Variants in CALN1 observed in about 807,000 individuals in gnomAD.
The protein encoded by CALN1 is calcium-binding protein 8.
A neutral mutation model predicts 30.6 loss-of-function variants in CALN1; 17 were observed. The ratio of observed to expected loss-of-function variants is 0.56; its 90% CI spans 0.38 to 0.83. The LOEUF (loss-of-function observed/expected upper bound fraction) is 0.83. Among genes scored for constraint, CALN1 ranks in the 40% least tolerant of loss-of-function variants. The pLI, the probability that CALN1 is intolerant of heterozygous loss-of-function variation, is 0.00. For synonymous variants in CALN1, 156 were observed against 131.4 expected (o/e 1.19, Z -1.28); for missense variants, 291 against 354.9 (o/e 0.82, Z 1.45).
At chr7:72,221,473 G>C (rs549200238) in intron 3 of CALN1, among the ~76,000 whole-genome samples, 3 of 151,834 alleles carry the variant, frequency 2.0e-5, no homozygotes, top group Admixed American at 2.0e-4. Flanking sequence ...ACCCGCCATC[G>C]TGCCTGGCTA....
intron 3 of CALN1, among the ~76,000 whole-genome samples, chr7:72,251,682 T>A (rs1795569713): frequency 6.6e-6 from 1 of 152,200 alleles, no homozygotes; most frequent in Admixed American, 6.5e-5. Flanking sequence ...ATTACAGGCA[T>A]AAGCCACCAT....
At chr7:72,037,632 G>A (rs1801881697) in intron 4 of CALN1, among the ~76,000 whole-genome samples, 1 of 152,150 alleles carries the variant, frequency 6.6e-6, no homozygotes, top group African/African-American at 2.4e-5. Context: ...ATATTTCGAG[G>A]ACAGGATGTT....
At chr7:72,350,728 G>C (rs1802877487) in intron 2 of CALN1, among the ~76,000 whole-genome samples, 1 of 151,936 alleles carries the variant, frequency 6.6e-6, no homozygotes, top group Non-Finnish European at 1.5e-5. Flanking sequence ...ATCCTTGCAA[G>C]ACTCAATTTA....
At chr7:72,104,016 T>A (rs2129541060) in intron 4 of CALN1, 1 of 152,876 alleles carries the variant, frequency 6.5e-6, no homozygotes, top group African/African-American at 2.4e-5. Flanking sequence ...CTTCCATCAG[T>A]CTGCTGGGCA....
intron 5 of CALN1, among the ~76,000 whole-genome samples, chr7:71,989,615 T>C (rs1011564834): frequency 5.9e-5 from 9 of 152,208 alleles, no homozygotes; most frequent in South Asian, 2.1e-4. Flanking sequence ...AAAACCAAGA[T>C]AGATAACCTT....
chr7:71,892,310 T>G (rs1793287522), intron 5 of CALN1, among the ~76,000 whole-genome samples: 1 of 152,330 alleles, frequency 6.6e-6, no homozygotes, highest in Non-Finnish European at 1.5e-5. Flanking sequence ...TTTGCTTACC[T>G]AACTATTGAG....
At chr7:72,022,738 C>T (rs2129530169) in intron 5 of CALN1, among the ~76,000 whole-genome samples, 1 of 152,114 alleles carries the variant, frequency 6.6e-6, no homozygotes, top group Non-Finnish European at 1.5e-5. Flanking sequence ...TCTTAAATGC[C>T]TTTTGTAAAA....
chr7:72,486,255 C>T, the CALN1 span, among the ~76,000 whole-genome samples: 2 of 152,048 alleles, frequency 1.3e-5, no homozygotes, highest in African/African-American at 4.8e-5. Context: ...ATATGTAGTC[C>T]GTCATTGACA....
chr7:72,422,093 C>G (rs1421592862), intron 1 of CALN1, among the ~76,000 whole-genome samples: 1 of 152,198 alleles, frequency 6.6e-6, no homozygotes, highest in Non-Finnish European at 1.5e-5. Context: ...AAACATACAT[C>G]TGCAAGTGTC....
chr7:72,112,956 A>C (rs1807681198), intron 3 of CALN1, among the ~76,000 whole-genome samples: 1 of 152,204 alleles, frequency 6.6e-6, no homozygotes, highest in South Asian at 2.1e-4. Flanking sequence ...GTCTATCAAG[A>C]GAAGGGTAAA....
intron 1 of CALN1, among the ~76,000 whole-genome samples, chr7:72,408,869 A>C (rs1424711926): frequency 6.6e-6 from 1 of 151,076 alleles, no homozygotes; most frequent in East Asian, 2.0e-4. Flanking sequence ...GTAGAGATGC[A>C]GTTTCACCAT....
At chr7:72,060,104 T>G (rs559503224) in intron 4 of CALN1, among the ~76,000 whole-genome samples, 32 of 152,162 alleles carry the variant, frequency 2.1e-4, no homozygotes, top group Non-Finnish European at 4.1e-4. Flanking sequence ...AAGCCTCTAG[T>G]TTTGGCTTGA....
At chr7:71,852,471 TA>T (rs35252557) in intron 5 of CALN1, among the ~76,000 whole-genome samples, 3,910 of 118,598 alleles carry the variant, frequency 0.033, 76 homozygotes, top group Middle Eastern at 0.06. Flanking sequence ...ACCCTGTCTC[TA>T]AAAAAAAAAA....
intron 2 of CALN1, among the ~76,000 whole-genome samples, chr7:72,353,963 G>T (rs1029101718): frequency 2.6e-5 from 4 of 152,156 alleles, no homozygotes; most frequent in African/African-American, 7.2e-5. Context: ...AAAGTGGGTG[G>T]ATCACCTGAA....
intron 2 of CALN1, among the ~76,000 whole-genome samples, chr7:72,393,025 G>A (rs1473080716): frequency 6.6e-6 from 1 of 151,934 alleles, no homozygotes; most frequent in Non-Finnish European, 1.5e-5. Context: ...ACAAACACCA[G>A]GAGTGTGTTA....
intron 3 of CALN1, among the ~76,000 whole-genome samples, chr7:72,209,532 C>CT (rs1267565493): frequency 1.1e-5 from 1 of 94,890 alleles, no homozygotes; most frequent in Non-Finnish European, 2.4e-5. Flanking sequence ...CCTTCCCTCC[C>CT]TCTCTCCGCC....
In CALN1 at chr7:72,211,061, AT is replaced by A. The variant is rs370583862; in HGVS notation, c.244+67624del. ...AGAGCAAGACCCTATCTCTAAAAAA[AT>A]AAGTAAAATGAACTGAAATGAAAAT... On this transcript the variant is annotated intron_variant, in intron 3 of 6. Coordinates refer to ENST00000395275, the MANE Select transcript of CALN1 (RefSeq NM_031468.4). Among the ~76,000 whole-genome samples the A allele has an allele frequency of 9.1e-4, 139 of 152,224 alleles. 2 individuals are homozygous for A. The East Asian group carries it at 0.015, about 17-fold the overall frequency.
the CALN1 span, among the ~76,000 whole-genome samples, chr7:72,467,152 T>C: frequency 6.6e-6 from 1 of 152,162 alleles, no homozygotes; most frequent in East Asian, 1.9e-4. Flanking sequence ...CTCAGATGTG[T>C]CTGAGACAGC....
chr7:71,782,167 C>T lies in CALN1; in HGVS notation c.*5608G>A, dbSNP rs1792752610. The T allele has an allele frequency of 1.3e-5, 2 of 152,184 alleles. No homozygotes were observed. Among genetic ancestry groups the T allele is most frequent in the African/African-American group, 4.8e-5 (2 of 41,416 alleles). 9.4% of individuals were successfully genotyped at this position (152,184 alleles called of 1,614,324 possible). ...TGTTCCCCCCAAATTTCATGTTGAT[C>T]TCCAGTGCTGGAGGTGGGGCCTGCT... is the stretch of plus-strand genomic sequence containing the variant. On this transcript the variant is annotated 3_prime_UTR_variant, in exon 7 of 7. Coordinates refer to ENST00000395275, the MANE Select transcript of CALN1 (RefSeq NM_031468.4).
Sources: allele counts gnomAD v4.1 joint callset (sites outside exome capture counted in the v4.1 genomes callset), GRCh38; gene constraint gnomAD v4.1.1; transcripts MANE v1.5; gene names NCBI Gene and HGNC (gene_info 2026-07-23, HGNC 2026-07-21).